The following RELT variants were observed in gnomAD, a reference collection of about 807,000 sequenced individuals.
RELT encodes the protein RELT TNF receptor.
Under a neutral mutation model 51.1 loss-of-function variants are expected in RELT, and 37 were observed. The observed-to-expected ratio is 0.72, with a 90% CI of 0.56 to 0.95. The LOEUF (loss-of-function observed/expected upper bound fraction) is 0.95, where lower values mean the gene tolerates loss of function less well. Among genes scored for constraint, RELT ranks in the 40% least tolerant of loss-of-function variants. The pLI is 0.00. For missense variants in RELT, 535 were observed against 572.6 expected (o/e 0.93, Z 0.67); for synonymous variants, 241 against 235.7 (o/e 1.02, Z -0.21).
chr11:73,392,812 A>C, intron 6 of RELT: 7 of 1,184,230 alleles, frequency 5.9e-6, no homozygotes, highest in South Asian at 2.2e-5. Flanking sequence ...GTGACCTCTG[A>C]CCTCTGGCCT....
At position 73,394,790 on chromosome 11, in the gene RELT, G is replaced by A. The variant is rs560155695; in HGVS notation, c.1046+56G>A. On this transcript the variant is annotated intron_variant, in intron 9 of 10. Coordinates refer to ENST00000064780, the MANE Select transcript of RELT (RefSeq NM_152222.2). This position sits in a 1 kb window ranked among gnomAD's most constrained non-coding sequence, Gnocchi z 4.9. ...GTAAAGACGTGACAGCCTGGGGGCC[G>A]GGAGGGGGAGGCAGGGCCCCAGCTT... 1,492 of 1,569,808 alleles carry A rather than the reference G, an allele frequency of 9.5e-4. 25 individuals are homozygous for A. The South Asian group carries it at 0.016, about 17-fold the overall frequency.
At chr11:73,389,034 C>T in intron 1 of RELT, 78 bp from the exon 2 acceptor site, 1 of 766,396 alleles carries the variant, frequency 1.3e-6, no homozygotes, top group Non-Finnish European at 2.2e-6. Flanking sequence ...TCCTGTCATC[C>T]TGGAAGTGGT....
intron 5 of RELT, 88 bp downstream of exon 5, chr11:73,391,311 A>G (rs1201615633): frequency 1.7e-6 from 2 of 1,211,222 alleles, no homozygotes; most frequent in Non-Finnish European, 2.3e-6. Flanking sequence ...TGCAGTGTTC[A>G]TGTGGGGGCA....
At chr11:73,377,641 T>C (rs1032665054) in intron 1 of RELT, among the ~76,000 whole-genome samples, 8 of 151,804 alleles carry the variant, frequency 5.3e-5, no homozygotes, top group Non-Finnish European at 8.8e-5. Flanking sequence ...CCCTGTGTAA[T>C]CTGTATTCTC....
At position 73,395,004 on chromosome 11, in the gene RELT, G is replaced by A. The variant is rs375124634; in HGVS notation, c.1047-83G>A. On this transcript the variant is annotated intron_variant, in intron 9 of 10. Coordinates refer to ENST00000064780, the MANE Select transcript of RELT (RefSeq NM_152222.2). Reference sequence around the variant, plus strand: ...GGCTAAGGCTCTGGTCCATGAACTTGCTGTGTGACCCCGGGCACGTGCTGC... The same window carrying A: ...GGCTAAGGCTCTGGTCCATGAACTTACTGTGTGACCCCGGGCACGTGCTGC... The A allele has an allele frequency of 1.4e-5, 18 of 1,251,092 alleles. No homozygotes were observed. The East Asian group carries it at 2.1e-4, about 15-fold the overall frequency. The allele number at this position is 1,251,092 out of a possible 1,614,324, so 77.5% of individuals were successfully genotyped here. A position where few individuals can be genotyped will look rare whatever the true frequency, so the allele number is the denominator to read the frequency against.
Position 73,396,455 on chromosome 11 carries a change from G to C in RELT, c.*964G>C, listed in dbSNP as rs1590741804. 6.6e-6 allele frequency: 1 copy of C among 152,368 alleles called. No individual in the cohort carries two copies. The highest frequency in any genetic ancestry group is 2.1e-4 in the South Asian group (1 of 4,842). The allele number at this position is 152,368 out of a possible 1,614,324, so 9.4% of individuals were successfully genotyped here. A position where few individuals can be genotyped will look rare whatever the true frequency, so the allele number is the denominator to read the frequency against. On this transcript the variant is annotated 3_prime_UTR_variant, in exon 11 of 11. Transcript: ENST00000064780. Reference sequence around the variant, plus strand: ...GGTGCCAGTGCTTCTGGGCAGTGCAGGCGGCTGCCAGGCCCAGCCCTGACT... The same window carrying C: ...GGTGCCAGTGCTTCTGGGCAGTGCACGCGGCTGCCAGGCCCAGCCCTGACT...
intron 1 of RELT, among the ~76,000 whole-genome samples, chr11:73,386,253 T>A (rs1022162034): frequency 1.3e-5 from 2 of 152,130 alleles, no homozygotes; most frequent in Admixed American, 6.5e-5. Flanking sequence ...CCATCCAGTG[T>A]GGCTGGGTGT....
chr11:73,388,238 C>G lies in RELT; in HGVS notation c.-25-874C>G, dbSNP rs113618372. Among the ~76,000 whole-genome samples, 14 of 152,366 alleles carry G rather than the reference C, an allele frequency of 9.2e-5. No individual in the cohort carries two copies. Among genetic ancestry groups the G allele is most frequent in the African/African-American group, 2.6e-4 (11 of 41,596 alleles). ...ACCACCAAATGGCAGGGGCACCTCT[C>G]TGTTTGCAGTTGGGTCTCCCCTGGG... On this transcript the variant is annotated intron_variant, in intron 1 of 10. Transcript: ENST00000064780. The surrounding 1 kb of genome is among the most constrained non-coding windows in gnomAD (Gnocchi z 4.1).
chr11:73,380,021 A>T (rs1755272867), intron 1 of RELT, among the ~76,000 whole-genome samples: 1 of 152,138 alleles, frequency 6.6e-6, no homozygotes. Context: ...CACCTCACCC[A>T]GGAAGCCCTC....
chr11:73,380,863 G>T (rs1474448444), intron 1 of RELT, among the ~76,000 whole-genome samples: 1 of 152,170 alleles, frequency 6.6e-6, no homozygotes, highest in Non-Finnish European at 1.5e-5. Context: ...GTGGTCTCTG[G>T]ACAGGGAGAA....
intron 6 of RELT, chr11:73,393,563 C>T (rs939858546): frequency 2.1e-5 from 29 of 1,407,718 alleles, no homozygotes; most frequent in Non-Finnish European, 2.3e-5. Context: ...CCCCCTCGCC[C>T]GCCCAATTCA....
Position 73,385,581 on chromosome 11 carries a change from C to T in RELT, c.-25-3531C>T, listed in dbSNP as rs1044878402. Among the ~76,000 whole-genome samples the T allele has an allele frequency of 1.4e-4, 21 of 152,232 alleles. No homozygotes were observed. In the South Asian group the frequency reaches 1.9e-3, roughly 14 times the overall value. ...GGAGTTTTGTGGCAAATAAAACAGA[C>T]GTCCCTGCCCTCACCACTGTCTGGT... On this transcript the variant is annotated intron_variant, in intron 1 of 10. Coordinates refer to ENST00000064780, the MANE Select transcript of RELT (RefSeq NM_152222.2).
At position 73,390,940 on chromosome 11, in the gene RELT, G is replaced by T. The variant is rs754868553; in HGVS notation, c.287+19G>T. 1.9e-6 allele frequency: 3 copies of T among 1,606,998 alleles called. No individual in the cohort carries two copies. In the South Asian group the frequency reaches 3.3e-5, roughly 18 times the overall value. ...GGCCTGGGTAAGCCAAAGGGAGTGC[G>T]GGGAGGGCTCCTGGCTGGGTGACCA... On this transcript the variant is annotated intron_variant, in intron 4 of 10. Coordinates refer to ENST00000064780, the MANE Select transcript of RELT (RefSeq NM_152222.2).
At chr11:73,387,685 G>C (rs1279170260) in intron 1 of RELT, among the ~76,000 whole-genome samples, 1 of 152,300 alleles carries the variant, frequency 6.6e-6, no homozygotes, top group African/African-American at 2.4e-5. Flanking sequence ...CTCAAACCCT[G>C]GGCCCCTCTG....
rs1247238574 is a variant in RELT, at chr11:73,396,524, A to C, written c.*1033A>C. On this transcript the variant is annotated 3_prime_UTR_variant, in exon 11 of 11. Transcript: ENST00000064780. ...CCTGGTTATTTATGTGGGGCCGTGC[A>C]GGCATGGGCCCACTGCCTGTCCATC... is the stretch of plus-strand genomic sequence containing the variant. 1 of 152,332 alleles carries C rather than the reference A, an allele frequency of 6.6e-6. No individual in the cohort carries two copies. Among genetic ancestry groups the C allele is most frequent in the Non-Finnish European group, 1.5e-5 (1 of 68,096 alleles). 9.4% of individuals were successfully genotyped at this position (152,332 alleles called of 1,614,324 possible).
Position 73,395,792 on chromosome 11 carries a change from C to T in RELT, c.*301C>T. ...CTGGATCCTAGGAGCCCACGGGATT[C>T]TCTGTATCATCAGAGGCTGGGCTTG... On this transcript the variant is annotated 3_prime_UTR_variant, in exon 11 of 11. Coordinates refer to ENST00000064780, the MANE Select transcript of RELT (RefSeq NM_152222.2). 1 of 501,308 alleles carries T rather than the reference C, an allele frequency of 2.0e-6. No individual in the cohort carries two copies. Among genetic ancestry groups the T allele is most frequent in the Non-Finnish European group, 3.6e-6 (1 of 277,764 alleles). The allele number at this position is 501,308 out of a possible 1,614,324, so 31.1% of individuals were successfully genotyped here.
intron 4 of RELT, 38 bp downstream of exon 4, chr11:73,390,959 G>C: frequency 1.2e-6 from 2 of 1,601,142 alleles, no homozygotes; most frequent in South Asian, 2.2e-5. Context: ...TCCTGGCTGG[G>C]TGACCAGGAC....
Position 73,394,826 on chromosome 11 carries a change from C to A in RELT, c.1046+92C>A. The A allele has an allele frequency of 1.4e-6, 2 of 1,449,142 alleles. No homozygotes were observed. The highest frequency in any genetic ancestry group is 1.9e-6 in the Non-Finnish European group (2 of 1,073,258). The allele number at this position is 1,449,142 out of a possible 1,614,324, so 89.8% of individuals were successfully genotyped here. The stretch of plus-strand genomic sequence containing the variant: ...GCAGGGCCCCAGCTTGGGCCCTGAG[C>A]ACCCTGCTCAATGGGAGCCCTGCCC... On this transcript the variant is annotated intron_variant, in intron 9 of 10. Coordinates refer to ENST00000064780, the MANE Select transcript of RELT (RefSeq NM_152222.2). This position sits in a 1 kb window ranked among gnomAD's most constrained non-coding sequence, Gnocchi z 4.9.
chr11:73,390,993 T>C, intron 4 of RELT, 72 bp downstream of exon 4: 1 of 1,569,190 alleles, frequency 6.4e-7, no homozygotes, highest in African/African-American at 1.4e-5. Context: ...GCCCCAGCCT[T>C]ATTGTACCCT....
Sources: allele counts gnomAD v4.1 joint callset (sites outside exome capture counted in the v4.1 genomes callset), GRCh38; gene constraint gnomAD v4.1.1; non-coding constraint Gnocchi (gnomAD v3.1); transcripts MANE v1.5; gene names NCBI Gene and HGNC (gene_info 2026-07-23, HGNC 2026-07-21).